METTL25: variants seen among roughly 807,000 people sequenced by gnomAD.
METTL25 encodes methyltransferase like 25.
A neutral mutation model predicts 71.6 loss-of-function variants in METTL25; 64 were observed. The ratio of observed to expected loss-of-function variants is 0.89; its 90% CI spans 0.73 to 1.10. METTL25 has a LOEUF of 1.10. Ranked by LOEUF, METTL25 falls within the 50% of genes least tolerant of loss-of-function variation. The probability of loss-of-function intolerance (pLI) is 0.00; values close to 1 mark genes in which losing one functional copy is unlikely to be tolerated. For missense variants in METTL25, 807 were observed against 707.0 expected (o/e 1.14, Z -1.60); for synonymous variants, 287 against 250.3 (o/e 1.15, Z -1.38).
intron 1 of METTL25, among the ~76,000 whole-genome samples, chr12:82,363,778 C>G (rs1009666452): frequency 1.4e-5 from 2 of 147,378 alleles, no homozygotes. Context: ...GAAACTAATT[C>G]CAAGTAAGCC....
chr12:82,362,237 A>C (rs1882028730), intron 1 of METTL25, among the ~76,000 whole-genome samples: 1 of 152,230 alleles, frequency 6.6e-6, no homozygotes, highest in Non-Finnish European at 1.5e-5. Flanking sequence ...TCTCTAAAAT[A>C]AAAAGCAAAT....
chr12:82,439,739 T>C (rs1358264729), intron 8 of METTL25: 1 of 283,660 alleles, frequency 3.5e-6, no homozygotes, highest in Non-Finnish European at 5.3e-6. Context: ...TCCTGAAAAC[T>C]AGTTCCTTCT....
intron 9 of METTL25, among the ~76,000 whole-genome samples, chr12:82,462,554 A>T (rs1000934384): frequency 1.3e-5 from 2 of 152,160 alleles, no homozygotes; most frequent in African/African-American, 4.8e-5. Context: ...TATACTTCTG[A>T]CATCTATCTT....
At position 82,389,942 on chromosome 12, in the gene METTL25, T is replaced by A. The variant is rs760756432; in HGVS notation, c.531+20T>A. ...AAGCAGGTAAGAGTATTTCCGTATG[T>A]TTTTAGGTGTTAAAATTATTGCCAC... On this transcript the variant is annotated intron_variant, in intron 3 of 11. Transcript: ENST00000248306. 1.9e-5 allele frequency: 26 copies of A among 1,346,742 alleles called. No homozygotes were observed. Among genetic ancestry groups the A allele is most frequent in the Middle Eastern group, 1.8e-4 (1 of 5,536 alleles). The allele number at this position is 1,346,742 out of a possible 1,614,324, so 83.4% of individuals were successfully genotyped here.
chr12:82,462,369 T>C (rs1383729936), intron 9 of METTL25, among the ~76,000 whole-genome samples: 5 of 152,282 alleles, frequency 3.3e-5, no homozygotes, highest in Admixed American at 2.0e-4. Flanking sequence ...CACTTCACCC[T>C]ACCCTTCCAA....
intron 9 of METTL25, among the ~76,000 whole-genome samples, chr12:82,468,040 G>T (rs1434714376): frequency 2.0e-5 from 3 of 151,538 alleles, no homozygotes. Flanking sequence ...CTGTCTTCTG[G>T]TTCAGAAATT....
chr12:82,475,113 C>G (rs1443559973), intron 9 of METTL25, among the ~76,000 whole-genome samples: 4 of 152,186 alleles, frequency 2.6e-5, no homozygotes, highest in African/African-American at 7.2e-5. Flanking sequence ...CCCAAGAAAT[C>G]ATATTGAAGA....
chr12:82,373,183 GC>G (rs1883455033), intron 1 of METTL25, among the ~76,000 whole-genome samples: 1 of 152,108 alleles, frequency 6.6e-6, no homozygotes, highest in African/African-American at 2.4e-5. Context: ...AATATGTTAT[GC>G]CCCAAAAATG....
chr12:82,406,397 C>A (rs146529948), intron 5 of METTL25, among the ~76,000 whole-genome samples: 1 of 152,162 alleles, frequency 6.6e-6, no homozygotes, highest in African/African-American at 2.4e-5. Flanking sequence ...TATACACATT[C>A]TATATTCTTA....
In METTL25 at chr12:82,402,920, TA is replaced by T; in HGVS notation, c.1132-58del. 2.4e-6 allele frequency: 3 copies of T among 1,269,528 alleles called. No individual in the cohort carries two copies. The Admixed American group carries it at 6.7e-5, about 28-fold the overall frequency. 78.6% of individuals were successfully genotyped at this position (1,269,528 alleles called of 1,614,324 possible). A position where few individuals can be genotyped will look rare whatever the true frequency, so the allele number is the denominator to read the frequency against. On this transcript the variant is annotated intron_variant, in intron 4 of 11. Coordinates refer to ENST00000248306, the MANE Select transcript of METTL25 (RefSeq NM_032230.3). ...GCAAGATCCTGTATGTAAAAATAAA[TA>T]AAAATTTTAAACAACCCTCTTTTTA...
intron 8 of METTL25, among the ~76,000 whole-genome samples, chr12:82,446,708 A>G (rs1297016881): frequency 6.7e-6 from 1 of 148,214 alleles, no homozygotes; most frequent in East Asian, 2.0e-4. Context: ...CCTCCGCTTC[A>G]CGGATTCAAG....
chr12:82,473,338 C>G (rs1346101976), intron 9 of METTL25, among the ~76,000 whole-genome samples: 1 of 152,114 alleles, frequency 6.6e-6, no homozygotes, highest in Non-Finnish European at 1.5e-5. Flanking sequence ...GGATGTTTCT[C>G]AAGGCCTGGA....
chr12:82,379,602 C>G (rs905731437), intron 1 of METTL25, among the ~76,000 whole-genome samples: 21 of 152,062 alleles, frequency 1.4e-4, no homozygotes, highest in African/African-American at 3.9e-4. Flanking sequence ...AAACTTTATT[C>G]CAGGTATTTA....
chr12:82,377,360 T>C (rs930916120), intron 1 of METTL25, among the ~76,000 whole-genome samples: 4 of 152,228 alleles, frequency 2.6e-5, no homozygotes, highest in African/African-American at 9.6e-5. Flanking sequence ...GCAAATTTAT[T>C]ATAACCATTT....
intron 2 of METTL25, chr12:82,388,819 G>A (rs1330745405): frequency 6.6e-6 from 1 of 152,062 alleles, no homozygotes; most frequent in African/African-American, 2.4e-5. Flanking sequence ...TCTGCCAACA[G>A]AATGACATTG....
intron 8 of METTL25, among the ~76,000 whole-genome samples, chr12:82,442,346 G>GT (rs756255422): frequency 3.9e-5 from 6 of 152,160 alleles, no homozygotes; most frequent in Non-Finnish European, 7.4e-5. Context: ...CCTTCAGTGA[G>GT]TGAGTATTTA....
At chr12:82,388,273 A>G (rs1885238251) in intron 2 of METTL25, among the ~76,000 whole-genome samples, 1 of 151,890 alleles carries the variant, frequency 6.6e-6, no homozygotes, top group South Asian at 2.1e-4. Flanking sequence ...TTGTAAAAGG[A>G]CCCTTTTATC....
intron 1 of METTL25, 31 bp downstream of exon 1, chr12:82,358,855 G>C (rs1029703803): frequency 1.3e-6 from 2 of 1,566,554 alleles, no homozygotes; most frequent in Admixed American, 1.8e-5. Flanking sequence ...GGCGGGAAGG[G>C]AGGCGGAGGA....
chr12:82,443,473 A>G (rs961371322), intron 8 of METTL25, among the ~76,000 whole-genome samples: 5 of 151,822 alleles, frequency 3.3e-5, no homozygotes, highest in Non-Finnish European at 5.9e-5. Context: ...AAAAAAAAAA[A>G]AAAAAAGAAA....
Sources: allele counts gnomAD v4.1 joint callset (sites outside exome capture counted in the v4.1 genomes callset), GRCh38; gene constraint gnomAD v4.1.1; transcripts MANE v1.5; gene names NCBI Gene and HGNC (gene_info 2026-07-23, HGNC 2026-07-21).